Variants in SEMA5A observed in about 807,000 individuals in gnomAD.
SEMA5A encodes the protein semaphorin-5A.
A neutral mutation model predicts 135.5 loss-of-function variants in SEMA5A; 55 were observed. The ratio of observed to expected loss-of-function variants is 0.41; its 90% CI spans 0.33 to 0.51. SEMA5A has a LOEUF of 0.51. Ranked by LOEUF, SEMA5A falls within the 20% of genes least tolerant of loss-of-function variation. The pLI, the probability that SEMA5A is intolerant of heterozygous loss-of-function variation, is 0.37. For synonymous variants in SEMA5A, 580 were observed against 546.5 expected, an observed-to-expected ratio of 1.06 and a Z score of -0.85; for missense variants, 1,290 against 1,419.9, an observed-to-expected ratio of 0.91 and a Z score of 1.47.
At chr5:9,539,082 C>G (rs1737934613) in intron 1 of SEMA5A, among the ~76,000 whole-genome samples, 1 of 152,282 alleles carries the variant, frequency 6.6e-6, no homozygotes, top group South Asian at 2.1e-4. Flanking sequence ...TCCATCACCC[C>G]CAAAAGGCCT....
intron 12 of SEMA5A, among the ~76,000 whole-genome samples, chr5:9,154,068 T>A (rs1306554481): frequency 0.018 from 696 of 39,004 alleles, 7 homozygotes; most frequent in African/African-American, 0.032. Context: ...AAAAAATATA[T>A]ATATATATAT....
intron 11 of SEMA5A, among the ~76,000 whole-genome samples, chr5:9,179,778 G>A (rs534607651): frequency 3.3e-5 from 5 of 152,300 alleles, no homozygotes; most frequent in African/African-American, 1.2e-4. Context: ...GGGAGTAGGA[G>A]AAGACCAGGC....
intron 2 of SEMA5A, among the ~76,000 whole-genome samples, chr5:9,417,524 A>G (rs927297490): frequency 3.3e-5 from 5 of 152,230 alleles, no homozygotes; most frequent in Non-Finnish European, 5.9e-5. Context: ...TTTGCAATGC[A>G]GGACCCAGTG....
intron 21 of SEMA5A, among the ~76,000 whole-genome samples, chr5:9,048,320 A>G (rs1464623030): frequency 6.6e-6 from 1 of 152,234 alleles, no homozygotes; most frequent in Non-Finnish European, 1.5e-5. Context: ...GGCCAGTGAC[A>G]TCATCCCTCT....
chr5:9,209,430 G>A (rs1746225143), intron 8 of SEMA5A, among the ~76,000 whole-genome samples: 1 of 152,100 alleles, frequency 6.6e-6, no homozygotes, highest in Admixed American at 6.6e-5. Flanking sequence ...TCACTTCTTT[G>A]AAGAATTAAT....
chr5:9,496,836 A>G, intron 1 of SEMA5A, among the ~76,000 whole-genome samples: 1 of 152,216 alleles, frequency 6.6e-6, no homozygotes, highest in Non-Finnish European at 1.5e-5. Context: ...CACAATTTAC[A>G]GATAAGTCTA....
intron 15 of SEMA5A, among the ~76,000 whole-genome samples, chr5:9,111,065 GA>G (rs1358296845): frequency 6.6e-6 from 1 of 152,230 alleles, no homozygotes; most frequent in African/African-American, 2.4e-5. Context: ...TATTCCAGGA[GA>G]AAATTGACAC....
At chr5:9,357,851 G>A (rs565796460) in intron 3 of SEMA5A, among the ~76,000 whole-genome samples, 2 of 152,316 alleles carry the variant, frequency 1.3e-5, no homozygotes, top group East Asian at 1.9e-4. Context: ...TCCACGTCAT[G>A]TCGTACAGTA....
chr5:9,388,904 A>T (rs1447034039), intron 2 of SEMA5A, among the ~76,000 whole-genome samples: 1 of 152,070 alleles, frequency 6.6e-6, no homozygotes, highest in African/African-American at 2.4e-5. Flanking sequence ...GTCTCAAAAA[A>T]AAAAAGAAAG....
intron 2 of SEMA5A, among the ~76,000 whole-genome samples, chr5:9,398,470 T>C (rs1214177662): frequency 6.6e-6 from 1 of 152,258 alleles, no homozygotes; most frequent in Non-Finnish European, 1.5e-5. Context: ...CAGTGGTTAA[T>C]GGTGATTCTC....
chr5:9,225,590 T>G (rs543211974), intron 7 of SEMA5A, among the ~76,000 whole-genome samples: 105 of 149,780 alleles, frequency 7.0e-4, no homozygotes, highest in Middle Eastern at 3.5e-3. Context: ...AAAAAAATTA[T>G]GTATAATTCT....
At position 9,483,280 on chromosome 5, in the gene SEMA5A, C is replaced by T. The variant is rs1217135649; in HGVS notation, c.-174-45428G>A. Among the ~76,000 whole-genome samples the T allele has an allele frequency of 2.0e-5, 3 of 152,142 alleles. 1 individual carries two copies. The highest frequency in any genetic ancestry group is 6.6e-5 in the Admixed American group (1 of 15,266). Reference sequence around the variant, plus strand: ...TCTCTATATATCTCTTTCTCAACTTCTTTCCCCTTACCCCCTCTCCCTCAC... The same window carrying T: ...TCTCTATATATCTCTTTCTCAACTTTTTTCCCCTTACCCCCTCTCCCTCAC... On this transcript the variant is annotated intron_variant, in intron 1 of 22. Coordinates refer to ENST00000382496, the MANE Select transcript of SEMA5A (RefSeq NM_003966.3).
At chr5:9,101,176 C>A (rs1167009329) in intron 16 of SEMA5A, among the ~76,000 whole-genome samples, 1 of 152,198 alleles carries the variant, frequency 6.6e-6, no homozygotes, top group Non-Finnish European at 1.5e-5. Context: ...ATACAACAAA[C>A]TTCTATAAGC....
chr5:9,232,137 G>T (rs893456243), intron 6 of SEMA5A, among the ~76,000 whole-genome samples: 3 of 152,150 alleles, frequency 2.0e-5, no homozygotes, highest in Non-Finnish European at 4.4e-5. Context: ...ACATGTTTTA[G>T]GGCTGTTTTC....
chr5:9,206,722 A>G (rs763106186), intron 8 of SEMA5A, among the ~76,000 whole-genome samples: 32 of 151,864 alleles, frequency 2.1e-4, no homozygotes, highest in Non-Finnish European at 3.7e-4. Flanking sequence ...ATCAAAGTCA[A>G]TTATAAATTA....
At chr5:9,309,356 C>G (rs1167846098) in intron 5 of SEMA5A, among the ~76,000 whole-genome samples, 1 of 152,102 alleles carries the variant, frequency 6.6e-6, no homozygotes, top group African/African-American at 2.4e-5. Flanking sequence ...CTTGTTTTCC[C>G]TAGCACAGAC....
intron 5 of SEMA5A, among the ~76,000 whole-genome samples, chr5:9,314,250 T>G (rs1752293131): frequency 6.6e-6 from 1 of 152,088 alleles, no homozygotes; most frequent in Non-Finnish European, 1.5e-5. Flanking sequence ...TGTCACTTAT[T>G]ATCTAAAACT....
chr5:9,380,576 C>A (rs1322358001), intron 2 of SEMA5A, among the ~76,000 whole-genome samples: 2 of 152,124 alleles, frequency 1.3e-5, no homozygotes, highest in Non-Finnish European at 2.9e-5. Flanking sequence ...TGCAGGATAA[C>A]CTTTTAAAAT....
At position 9,242,757 on chromosome 5, in the gene SEMA5A, C is replaced by A. The variant is rs534634099; in HGVS notation, c.271-4867G>T. Among the ~76,000 whole-genome samples, 31 of 152,164 alleles carry A rather than the reference C, an allele frequency of 2.0e-4. 1 individual carries two copies. The East Asian group carries it at 5.6e-3, about 27-fold the overall frequency. On this transcript the variant is annotated intron_variant, in intron 5 of 22. Transcript: ENST00000382496. Reference sequence around the variant, plus strand: ...CCACATACCTTCTCTACCCCAATAACATATGGGAAAATAAATTTTTTTTTA... The same window carrying A: ...CCACATACCTTCTCTACCCCAATAAAATATGGGAAAATAAATTTTTTTTTA...
Sources: gnomAD v4.1 joint callset for allele counts (sites outside exome capture counted in the v4.1 genomes callset) on GRCh38, gnomAD v4.1.1 for gene constraint, MANE v1.5 for transcripts, NCBI Gene and HGNC (gene_info 2026-07-23, HGNC 2026-07-21) for gene names.